The following ARHGAP6 variants were observed in gnomAD, a reference collection of about 807,000 sequenced individuals.
ARHGAP6 encodes rho GTPase-activating protein 6.
A neutral mutation model predicts 55.7 loss-of-function variants in ARHGAP6; 16 were observed. The observed-to-expected ratio is 0.29, with a 90% CI of 0.19 to 0.44. ARHGAP6 has a LOEUF of 0.44. ARHGAP6 is among the 20% of genes least tolerant of loss of function. ARHGAP6 has a pLI of 1.00. For synonymous variants in ARHGAP6, 382 were observed against 360.9 expected (o/e 1.06, Z -0.66); for missense variants, 698 against 808.9 (o/e 0.86, Z 1.66).
intron 1 of ARHGAP6, among the ~76,000 whole-genome samples, chrX:11,289,802 T>C (rs1416306998): frequency 9.0e-6 from 1 of 111,091 alleles, no homozygotes; most frequent in African/African-American, 3.3e-5. Context: ...CTGGACAACA[T>C]GGTGAAACCC....
At chrX:11,571,798 G>A (rs147252527) in intron 1 of ARHGAP6, among the ~76,000 whole-genome samples, 4,482 of 109,063 alleles carry the variant, frequency 0.041, 242 homozygotes, top group African/African-American at 0.14. Context: ...TTAGGTGAGC[G>A]GATCACTTGA....
At chrX:11,340,565 T>C (rs1040961104) in intron 1 of ARHGAP6, among the ~76,000 whole-genome samples, 4 of 109,890 alleles carry the variant, frequency 3.6e-5, no homozygotes, top group South Asian at 3.9e-4. Flanking sequence ...CCGTCTCTAC[T>C]AAAAATATAA....
At chrX:11,450,337 G>A (rs990132886) in intron 1 of ARHGAP6, among the ~76,000 whole-genome samples, 9 of 111,407 alleles carry the variant, frequency 8.1e-5, no homozygotes, top group East Asian at 2.8e-4. Flanking sequence ...TTGCAGCCCC[G>A]TCAACATATG....
intron 1 of ARHGAP6, among the ~76,000 whole-genome samples, chrX:11,588,781 G>C (rs2051767357): frequency 9.0e-6 from 1 of 111,436 alleles, no homozygotes; most frequent in African/African-American, 3.3e-5. Context: ...CGGAATGAGG[G>C]GTGGCTGCTA....
chrX:11,225,756 G>C, intron 2 of ARHGAP6: 1 of 544,640 alleles, frequency 1.8e-6, no homozygotes, highest in Non-Finnish European at 2.8e-6. Context: ...AATTCACAAA[G>C]GTCTGTTCTA....
chrX:11,551,207 C>T (rs774956755), intron 1 of ARHGAP6, among the ~76,000 whole-genome samples: 1 of 111,264 alleles, frequency 9.0e-6, no homozygotes. Flanking sequence ...TAGGCAGGCT[C>T]ATGAAATGAA....
At chrX:11,257,174 C>T (rs2047503736) in intron 1 of ARHGAP6, among the ~76,000 whole-genome samples, 1 of 111,370 alleles carries the variant, frequency 9.0e-6, no homozygotes, top group Non-Finnish European at 1.9e-5. Context: ...GATAGAAAGT[C>T]CCCAGATGAG....
At chrX:11,521,849 G>C (rs1166865475) in intron 1 of ARHGAP6, among the ~76,000 whole-genome samples, 1 of 110,984 alleles carries the variant, frequency 9.0e-6, no homozygotes, top group Admixed American at 9.6e-5. Context: ...AGTGGTTTGT[G>C]GTTCTCCTTG....
At position 11,137,684 on chromosome X, in the gene ARHGAP6, C is replaced by T. The variant is rs906548510; in HGVS notation, c.*1179G>A. 1 of 100,551 alleles carries T rather than the reference C, an allele frequency of 9.9e-6. No individual in the cohort carries two copies. The highest frequency in any genetic ancestry group is 4.2e-4 in the South Asian group (1 of 2,378). 8.3% of individuals were successfully genotyped at this position (100,551 alleles called of 1,213,427 possible). ...CTTTTTTTATAATACACTTTCCCTT[C>T]AGAAGTGAAAAAAAATTGCATAAAA... On this transcript the variant is annotated 3_prime_UTR_variant, in exon 13 of 13. Coordinates refer to ENST00000337414, the MANE Select transcript of ARHGAP6 (RefSeq NM_013427.3).
chrX:11,169,779 T>G, intron 8 of ARHGAP6, 95 bp from the exon 9 acceptor site: 3 of 715,288 alleles, frequency 4.2e-6, no homozygotes, highest in Non-Finnish European at 5.9e-6. Flanking sequence ...TCTCCTTTTT[T>G]TTTTTTAATC....
intron 3 of ARHGAP6, among the ~76,000 whole-genome samples, chrX:11,196,497 C>T (rs1440970574): frequency 6.3e-5 from 7 of 111,427 alleles, no homozygotes; most frequent in Admixed American, 4.8e-4. Context: ...TGAGAATGGC[C>T]TATCTTCAGT....
chrX:11,598,307 A>G (rs754246050), intron 1 of ARHGAP6, among the ~76,000 whole-genome samples: 12 of 112,191 alleles, frequency 1.1e-4, no homozygotes, highest in Admixed American at 1.0e-3. Context: ...TAAGTTGACA[A>G]AAACCTACAA....
chrX:11,244,967 T>G (rs765043895), intron 2 of ARHGAP6, among the ~76,000 whole-genome samples: 1 of 112,219 alleles, frequency 8.9e-6, no homozygotes, highest in Non-Finnish European at 1.9e-5. Flanking sequence ...GGCACCAACA[T>G]AGCATCATAT....
chrX:11,258,222 A>G (rs1340448809), intron 1 of ARHGAP6, among the ~76,000 whole-genome samples: 1 of 111,280 alleles, frequency 9.0e-6, no homozygotes, highest in Non-Finnish European at 1.9e-5. Flanking sequence ...GAGATGAGAA[A>G]AGACTCCGTG....
At chrX:11,241,037 C>T (rs1221195230) in intron 2 of ARHGAP6, among the ~76,000 whole-genome samples, 2 of 99,762 alleles carry the variant, frequency 2.0e-5, no homozygotes, top group Admixed American at 1.1e-4. Context: ...GCACTCCAGC[C>T]GGAGCGACAG....
intron 1 of ARHGAP6, among the ~76,000 whole-genome samples, chrX:11,497,935 T>C (rs766133031): frequency 1.8e-5 from 2 of 110,857 alleles, no homozygotes; most frequent in South Asian, 3.9e-4. Flanking sequence ...TTGTGCACAA[T>C]TGGCTGCCAC....
At chrX:11,576,264 ATG>A (rs1453977879) in intron 1 of ARHGAP6, among the ~76,000 whole-genome samples, 2 of 111,790 alleles carry the variant, frequency 1.8e-5, no homozygotes, top group Non-Finnish European at 3.8e-5. Flanking sequence ...AGATTTGAGA[ATG>A]TGTTTTTTTG....
rs148479246 is a variant in ARHGAP6, at chrX:11,420,773, C to G, written c.589-166066G>C. On this transcript the variant is annotated intron_variant, in intron 1 of 12. Coordinates refer to ENST00000337414, the MANE Select transcript of ARHGAP6 (RefSeq NM_013427.3). Reference sequence around the variant, plus strand: ...GGCACTCTAGTTTCTCACTTTCATACAGATGCAGATCCCACATCCACACAC... The same window carrying G: ...GGCACTCTAGTTTCTCACTTTCATAGAGATGCAGATCCCACATCCACACAC... 9.8e-5 allele frequency among the ~76,000 whole-genome samples: 11 copies of G among 111,708 alleles called. No homozygotes were observed. In the East Asian group the frequency reaches 3.1e-3, roughly 31 times the overall value.
At chrX:11,520,178 T>TATATATATATATA (rs1491472649) in intron 1 of ARHGAP6, among the ~76,000 whole-genome samples, 17 of 75,772 alleles carry the variant, frequency 2.2e-4, no homozygotes, top group Non-Finnish European at 2.5e-4. Context: ...TATATATATA[T>TATATATATATATA]TACTTTAAGT....
Sources: allele counts gnomAD v4.1 joint callset (sites outside exome capture counted in the v4.1 genomes callset), GRCh38; gene constraint gnomAD v4.1.1; transcripts MANE v1.5; gene names NCBI Gene and HGNC (gene_info 2026-07-23, HGNC 2026-07-21).